The following TCERG1 variants were observed in gnomAD, a reference collection of about 807,000 sequenced individuals.
TCERG1 encodes TATA box binding protein (TBP)-associated factor, RNA polymerase II, S, 150kD.
In TCERG1, 37 loss-of-function variants were observed where a neutral mutation model predicts 144.7. That is an observed-to-expected ratio of 0.26 (90% CI 0.20 to 0.34). The LOEUF (loss-of-function observed/expected upper bound fraction) is 0.34, where lower values mean the gene tolerates loss of function less well. Among genes scored for constraint, TCERG1 ranks in the 10% least tolerant of loss-of-function variants. The probability of loss-of-function intolerance (pLI) is 1.00; values close to 1 mark genes in which losing one functional copy is unlikely to be tolerated. For synonymous variants in TCERG1, 492 were observed against 458.2 expected, an observed-to-expected ratio of 1.07 and a Z score of -0.94; for missense variants, 1,027 against 1,380.7, an observed-to-expected ratio of 0.74 and a Z score of 4.06.
rs778403076 is a variant in TCERG1, at chr5:146,509,119, C to G, written c.3046-26C>G. ...AATTAGTGGGTTTTATTTCCATAAT[C>G]TCAACTTTTTTTTTTTTATTAACAG... On this transcript the variant is annotated intron_variant, in intron 21 of 22. Coordinates refer to ENST00000679501, the MANE Select transcript of TCERG1 (RefSeq NM_001382548.1). 2.2e-6 allele frequency: 3 copies of G among 1,370,182 alleles called. No individual in the cohort carries two copies. The African/African-American group carries it at 4.4e-5, about 20-fold the overall frequency. 84.9% of individuals were successfully genotyped at this position (1,370,182 alleles called of 1,614,324 possible).
chr5:146,490,150 C>T (rs1338063967), intron 15 of TCERG1, among the ~76,000 whole-genome samples: 2 of 152,124 alleles, frequency 1.3e-5, no homozygotes, highest in Non-Finnish European at 2.9e-5. Context: ...TTCTGCAATG[C>T]TATACTTAGA....
chr5:146,472,725 G>GTT (rs1561660634), intron 9 of TCERG1, among the ~76,000 whole-genome samples: 1 of 151,686 alleles, frequency 6.6e-6, no homozygotes, highest in Non-Finnish European at 1.5e-5. Flanking sequence ...GTGTGTGTGT[G>GTT]TGTTTTGAGA....
In TCERG1 at chr5:146,509,412, C is replaced by G. The variant is rs1581592668; in HGVS notation, c.3146+167C>G. Among the ~76,000 whole-genome samples the G allele has an allele frequency of 2.8e-5, 4 of 140,690 alleles. No individual in the cohort carries two copies. In the South Asian group the frequency reaches 9.2e-4, roughly 32 times the overall value. The allele number at this position is 140,690 out of a possible 152,430, so 92.3% of individuals were successfully genotyped here. On this transcript the variant is annotated intron_variant, in intron 22 of 22. Coordinates refer to ENST00000679501, the MANE Select transcript of TCERG1 (RefSeq NM_001382548.1). ...TCAAATACAGCCCATATCTACCATA[C>G]TTTTTTTTTTTTTTAAAGAAAGGGC...
intron 9 of TCERG1, among the ~76,000 whole-genome samples, chr5:146,472,563 C>G (rs764889831): frequency 7.9e-5 from 12 of 152,032 alleles, no homozygotes; most frequent in Non-Finnish European, 1.8e-4. Context: ...TTCCACCGAC[C>G]GGCTGTTCCC....
At chr5:146,482,808 G>A (rs1401667492) in intron 14 of TCERG1, 81 bp downstream of exon 14, 2 of 1,436,436 alleles carry the variant, frequency 1.4e-6, no homozygotes, top group Non-Finnish European at 1.8e-6. Context: ...TCAAATCTAA[G>A]GTTAGTGCTC....
At chr5:146,491,540 T>A (rs1766423031) in intron 15 of TCERG1, among the ~76,000 whole-genome samples, 1 of 152,066 alleles carries the variant, frequency 6.6e-6, no homozygotes, top group Admixed American at 6.5e-5. Flanking sequence ...AGCCAATGTT[T>A]TAGGCTGGTC....
intron 19 of TCERG1, among the ~76,000 whole-genome samples, chr5:146,506,422 T>TG (rs992910043): frequency 3.2e-4 from 48 of 152,340 alleles, no homozygotes; most frequent in African/African-American, 1.1e-3. Flanking sequence ...GGGGTACAGT[T>TG]GCTGTTTTGA....
At chr5:146,483,717 T>C in intron 15 of TCERG1, 88 bp downstream of exon 15, 1 of 963,970 alleles carries the variant, frequency 1.0e-6, no homozygotes, top group East Asian at 2.6e-5. Flanking sequence ...ATCCCTTTTT[T>C]TTCTGATACA....
chr5:146,481,302 A>C, intron 13 of TCERG1, 102 bp downstream of exon 13: 11 of 494,820 alleles, frequency 2.2e-5, no homozygotes, highest in Non-Finnish European at 2.9e-5. Context: ...CATTTAGTAT[A>C]GTTCTATAAA....
intron 15 of TCERG1, among the ~76,000 whole-genome samples, chr5:146,490,644 A>T (rs191868043): frequency 2.0e-5 from 3 of 152,146 alleles, no homozygotes; most frequent in Non-Finnish European, 2.9e-5. Context: ...GGAAGGGTCT[A>T]TTGTGCTCAG....
intron 17 of TCERG1, among the ~76,000 whole-genome samples, chr5:146,501,004 C>T (rs1379411859): frequency 7.6e-6 from 1 of 132,416 alleles, no homozygotes. Context: ...GGGATTCTTT[C>T]AAAAAAAAAA....
In TCERG1 at chr5:146,498,667, C is replaced by T. The variant is rs752331696; in HGVS notation, c.2414C>T (p.Ser805Leu). The change falls in exon 17 of 23, where the codon TCG becomes TTG. Residue 805 changes from serine (S) to leucine (L), a missense_variant. Physicochemically the swap from Ser to Leu is moderately radical, Grantham distance 145. This residue lies in a region of TCERG1 where 482 missense variants were observed against 632.6 expected (regional missense o/e 0.76). Transcript: ENST00000679501. ...GCTAGGAAGAAAGAGAAAGAAGATTCGAAGACCAGAGGTGAGAAGGTAAGA... is the reference window on the plus strand; with the variant it reads ...GCTAGGAAGAAAGAGAAAGAAGATTTGAAGACCAGAGGTGAGAAGGTAAGA... ...AAARKKEKED[S>L]KTRGEKIKSD... 1.1e-5 allele frequency: 17 copies of T among 1,610,586 alleles called. No homozygotes were observed. Among genetic ancestry groups the T allele is most frequent in the African/African-American group, 1.3e-5 (1 of 74,738 alleles).
At position 146,478,656 on chromosome 5, in the gene TCERG1, A is replaced by G; in HGVS notation, c.1762+3A>G. ...AATGGAGGAATTGAAGAAACTAAGT[A>G]AGTTTTAAATTAGGAATTTATCCAC... is the stretch of plus-strand genomic sequence containing the variant. On this transcript the variant is annotated splice_donor_region_variant and intron_variant, in intron 10 of 22. Coordinates refer to ENST00000679501, the MANE Select transcript of TCERG1 (RefSeq NM_001382548.1). 6.4e-7 allele frequency: 1 copy of G among 1,570,884 alleles called. No homozygotes were observed. Among genetic ancestry groups the G allele is most frequent in the East Asian group, 2.3e-5 (1 of 44,184 alleles).
In TCERG1 at chr5:146,502,184, C is replaced by T. The variant is rs941077163; in HGVS notation, c.2434-1191C>T. Among the ~76,000 whole-genome samples, 52 of 152,258 alleles carry T rather than the reference C, an allele frequency of 3.4e-4. 1 individual carries two copies. The highest frequency in any genetic ancestry group is 1.3e-3 in the African/African-American group (52 of 41,540). On this transcript the variant is annotated intron_variant, in intron 17 of 22. Coordinates refer to ENST00000679501, the MANE Select transcript of TCERG1 (RefSeq NM_001382548.1). Reference sequence around the variant, plus strand: ...CTGCTGGGATTACAGGCATGAGCCACCATCTCACTTTTAATCCTCCAGTAG... The same window carrying T: ...CTGCTGGGATTACAGGCATGAGCCATCATCTCACTTTTAATCCTCCAGTAG...
intron 9 of TCERG1, among the ~76,000 whole-genome samples, chr5:146,473,490 AAAC>A (rs1330510321): frequency 2.0e-5 from 3 of 152,212 alleles, no homozygotes; most frequent in African/African-American, 7.2e-5. Context: ...CAATTACACT[AAAC>A]AAGAGATTTT....
chr5:146,488,277 AG>A (rs1056920095), intron 15 of TCERG1, among the ~76,000 whole-genome samples: 1 of 152,196 alleles, frequency 6.6e-6, no homozygotes, highest in Non-Finnish European at 1.5e-5. Context: ...CTCCATAGCA[AG>A]GGAAACAACA....
intron 5 of TCERG1, among the ~76,000 whole-genome samples, chr5:146,468,047 G>A (rs573016242): frequency 1.3e-5 from 2 of 152,144 alleles, no homozygotes; most frequent in South Asian, 4.1e-4. Flanking sequence ...AATTTGTTAT[G>A]TATGTGTAAT....
chr5:146,500,193 A>G (rs973544222), intron 17 of TCERG1, among the ~76,000 whole-genome samples: 2 of 152,032 alleles, frequency 1.3e-5, no homozygotes, highest in African/African-American at 4.8e-5. Context: ...AAGGCAGGAA[A>G]TTGCTAAAGT....
At chr5:146,471,186 G>A (rs956370580) in intron 8 of TCERG1, among the ~76,000 whole-genome samples, 2 of 152,208 alleles carry the variant, frequency 1.3e-5, no homozygotes, top group Non-Finnish European at 2.9e-5. Context: ...AGGAAAGCTA[G>A]CAGAAATAAG....
Sources: allele counts gnomAD v4.1 joint callset (sites outside exome capture counted in the v4.1 genomes callset), GRCh38; gene constraint gnomAD v4.1.1; regional missense constraint gnomAD v4.1.1; transcripts MANE v1.5; gene names NCBI Gene and HGNC (gene_info 2026-07-23, HGNC 2026-07-21).